The following AQP9 variants were observed in gnomAD, a reference collection of about 807,000 sequenced individuals.
The protein encoded by AQP9 is aquaporin-9.
AQP9 carries 19 observed loss-of-function variants against 23.8 expected under a neutral mutation model. That is an observed-to-expected ratio of 0.80 (90% CI 0.56 to 1.17). The LOEUF is 1.17. Among genes scored for constraint, AQP9 ranks in the 50% most tolerant of loss-of-function variants. The probability of loss-of-function intolerance (pLI) is 0.00; values close to 1 mark genes in which losing one functional copy is unlikely to be tolerated. For synonymous variants in AQP9, 153 were observed against 131.5 expected (o/e 1.16, Z -1.12); for missense variants, 413 against 362.0 (o/e 1.14, Z -1.14).
chr15:58,174,796 A>C (rs371512136), intron 3 of AQP9, 122 bp from the exon 4 acceptor site: 21 of 772,768 alleles, frequency 2.7e-5, no homozygotes, highest in Middle Eastern at 2.4e-4. Context: ...GTAGAGAGAG[A>C]CAAATGACAT....
chr15:58,175,085 T>C lies in AQP9; in HGVS notation c.495+49T>C, dbSNP rs1034889575. 2.0e-6 allele frequency: 3 copies of C among 1,467,120 alleles called. No individual in the cohort carries two copies. In the East Asian group the frequency reaches 6.8e-5, roughly 33 times the overall value. 90.9% of individuals were successfully genotyped at this position (1,467,120 alleles called of 1,614,324 possible). A position where few individuals can be genotyped will look rare whatever the true frequency, so the allele number is the denominator to read the frequency against. Reference sequence around the variant, plus strand: ...TTAACTTTGGTGAAAAGATATGCTCTCATAAGGGGAATGCATTGGAGAATT... The same window carrying C: ...TTAACTTTGGTGAAAAGATATGCTCCCATAAGGGGAATGCATTGGAGAATT... On this transcript the variant is annotated intron_variant, in intron 4 of 5. Transcript: ENST00000219919.
chr15:58,155,354 T>C (rs2140600726), intron 1 of AQP9: 1 of 152,302 alleles, frequency 6.6e-6, no homozygotes, highest in Admixed American at 6.5e-5. Context: ...ATAGGTTACG[T>C]ACTCCCATGA....
At chr15:58,153,162 A>G (rs1198701328) in intron 1 of AQP9, 1 of 152,116 alleles carries the variant, frequency 6.6e-6, no homozygotes, top group Non-Finnish European at 1.5e-5. Context: ...CTATAGCATG[A>G]TTCCTCTTAT....
chr15:58,166,176 G>C (rs1432032923), intron 1 of AQP9, among the ~76,000 whole-genome samples: 1 of 152,096 alleles, frequency 6.6e-6, no homozygotes, highest in African/African-American at 2.4e-5. Flanking sequence ...ATGAGTGAAG[G>C]GTAGAGAAGT....
intron 1 of AQP9, among the ~76,000 whole-genome samples, chr15:58,154,725 T>G (rs1319302618): frequency 6.6e-6 from 1 of 151,958 alleles, no homozygotes; most frequent in African/African-American, 2.4e-5. Flanking sequence ...AATTAAAGAC[T>G]ATTAACCCCA....
chr15:58,153,677 G>C (rs1362480320), intron 1 of AQP9: 4 of 152,100 alleles, frequency 2.6e-5, no homozygotes, highest in Non-Finnish European at 2.9e-5. Flanking sequence ...GACTATTCAA[G>C]ACTCTACTCC....
rs575101753 is a variant in AQP9, at chr15:58,153,390, T to C, written c.112-13283T>C. 2.0e-5 allele frequency: 3 copies of C among 152,250 alleles called. No homozygotes were observed. The South Asian group carries it at 6.2e-4, about 32-fold the overall frequency. 9.4% of individuals were successfully genotyped at this position (152,250 alleles called of 1,614,324 possible). On this transcript the variant is annotated intron_variant, in intron 1 of 5. Transcript: ENST00000219919. ...TTTTCTACTTATCTGCTTCTACCCT[T>C]TAATAGAAAATAATCTATGAATCCA...
At chr15:58,145,013 C>CAA (rs66782655) in intron 1 of AQP9, among the ~76,000 whole-genome samples, 3,730 of 50,592 alleles carry the variant, frequency 0.074, 147 homozygotes, top group Admixed American at 0.2. Flanking sequence ...GACTCCATCT[C>CAA]AAAAAAAAAA....
intron 1 of AQP9, among the ~76,000 whole-genome samples, chr15:58,159,805 G>A (rs1898336813): frequency 6.6e-6 from 1 of 152,080 alleles, no homozygotes; most frequent in South Asian, 2.1e-4. Context: ...ATGACCTCCA[G>A]TTCCATTCAC....
At chr15:58,141,294 T>C (rs1486245866) in intron 1 of AQP9, among the ~76,000 whole-genome samples, 1 of 152,220 alleles carries the variant, frequency 6.6e-6, no homozygotes, top group Non-Finnish European at 1.5e-5. Flanking sequence ...TTATTGAAGA[T>C]GCTGAAGTGA....
At chr15:58,166,911 G>A in intron 2 of AQP9, 112 bp downstream of exon 2, 1 of 1,378,900 alleles carries the variant, frequency 7.3e-7, no homozygotes. Context: ...AATCCTGCAA[G>A]AGTGTGTATT....
intron 1 of AQP9, among the ~76,000 whole-genome samples, chr15:58,147,636 C>T (rs1278431189): frequency 6.6e-6 from 1 of 152,138 alleles, no homozygotes; most frequent in Admixed American, 6.6e-5. Flanking sequence ...GACTTGAAGG[C>T]TTAGTCCCTC....
chr15:58,183,459 A>G (rs1898938193), intron 5 of AQP9, among the ~76,000 whole-genome samples: 1 of 152,236 alleles, frequency 6.6e-6, no homozygotes, highest in African/African-American at 2.4e-5. Flanking sequence ...GATTTAAATT[A>G]TATTTAGAAG....
intron 4 of AQP9, among the ~76,000 whole-genome samples, chr15:58,176,337 G>A (rs1898753037): frequency 6.6e-6 from 1 of 151,990 alleles, no homozygotes; most frequent in Non-Finnish European, 1.5e-5. Flanking sequence ...GGGCAACATG[G>A]CAAAACCCTG....
chr15:58,175,154 G>T (rs1273628125), intron 4 of AQP9, 118 bp downstream of exon 4: 15 of 1,011,546 alleles, frequency 1.5e-5, no homozygotes, highest in African/African-American at 6.4e-5. Context: ...AAAGGCAGAG[G>T]TTGCTGGGCA....
At chr15:58,165,473 G>T (rs1228559258) in intron 1 of AQP9, among the ~76,000 whole-genome samples, 1 of 152,070 alleles carries the variant, frequency 6.6e-6, no homozygotes, top group Non-Finnish European at 1.5e-5. Context: ...ACCCATTAGG[G>T]TCTAACCCCA....
intron 2 of AQP9, among the ~76,000 whole-genome samples, chr15:58,170,514 C>T (rs1249346314): frequency 6.6e-6 from 1 of 151,976 alleles, no homozygotes; most frequent in Non-Finnish European, 1.5e-5. Context: ...AAGCGATTCT[C>T]CTGCCTCAGC....
At position 58,166,748 on chromosome 15, in the gene AQP9, G is replaced by C. The variant is rs1898516188; in HGVS notation, c.187G>C (p.Gly63Arg). The change falls in exon 2 of 6, where the codon GGA (glycine) becomes CGA (arginine). Residue 63 changes from glycine to arginine, a missense_variant. Physicochemically the swap from Gly to Arg is moderately radical, Grantham distance 125. Coordinates refer to ENST00000219919, the MANE Select transcript of AQP9 (RefSeq NM_020980.5). The stretch of plus-strand genomic sequence containing the variant: ...TGGAGGGGTCATCACTATCAATGTT[G>C]GATTTTCAATGGCAGTTGCAATGGC... ...RFGGVITINV[G>R]FSMAVAMAIY... The C allele has an allele frequency of 6.2e-7, 1 of 1,613,820 alleles. No homozygotes were observed. The highest frequency in any genetic ancestry group is 2.2e-5 in the East Asian group (1 of 44,896).
chr15:58,138,709 CAA>C, intron 1 of AQP9, 33 bp downstream of exon 1: 1 of 1,572,960 alleles, frequency 6.4e-7, no homozygotes, highest in Non-Finnish European at 8.7e-7. Flanking sequence ...CATTCAGACC[CAA>C]TAATGCCTCC....
Sources: allele counts gnomAD v4.1 joint callset (sites outside exome capture counted in the v4.1 genomes callset), GRCh38; gene constraint gnomAD v4.1.1; transcripts MANE v1.5; gene names NCBI Gene and HGNC (gene_info 2026-07-23, HGNC 2026-07-21).